BCAR3: variants seen among roughly 807,000 people sequenced by gnomAD.
BCAR3 encodes BCAR3 adaptor protein, NSP family member, also known as breast cancer anti-estrogen resistance protein 3.
BCAR3 carries 37 observed loss-of-function variants against 80.1 expected under a neutral mutation model. The ratio of observed to expected loss-of-function variants is 0.46; its 90% confidence interval spans 0.36 to 0.61. The LOEUF (loss-of-function observed/expected upper bound fraction) is 0.61, where lower values mean the gene tolerates loss of function less well. Among genes scored for constraint, BCAR3 ranks in the 20% least tolerant of loss-of-function variants. BCAR3 has a pLI of 0.00. For synonymous variants in BCAR3, 389 were observed against 418.9 expected (o/e 0.93, Z 0.87); for missense variants, 978 against 1,068.2 (o/e 0.92, Z 1.18).
At chr1:93,721,490 T>G (rs1456528132) in intron 2 of BCAR3, among the ~76,000 whole-genome samples, 1 of 152,126 alleles carries the variant, frequency 6.6e-6, no homozygotes. Context: ...GACTTTGTAT[T>G]GTTATTCTCC....
chr1:93,678,334 C>T (rs1385795311), intron 1 of BCAR3, among the ~76,000 whole-genome samples: 2 of 152,168 alleles, frequency 1.3e-5, no homozygotes, highest in Non-Finnish European at 2.9e-5. Context: ...ATTGATTCTT[C>T]AATGCATACA....
At chr1:93,690,432 G>A (rs1031036413) in intron 3 of BCAR3, among the ~76,000 whole-genome samples, 5 of 152,132 alleles carry the variant, frequency 3.3e-5, no homozygotes, top group East Asian at 3.8e-4. Context: ...TTATAAGGTG[G>A]CACTGTTCTT....
chr1:93,713,336 G>C (rs1045630461), intron 2 of BCAR3, among the ~76,000 whole-genome samples: 6 of 152,100 alleles, frequency 3.9e-5, no homozygotes, highest in African/African-American at 1.4e-4. Context: ...TCATGAATAT[G>C]GACCCAAGAC....
chr1:93,608,216 A>C lies in BCAR3; in HGVS notation c.358-15823T>G, dbSNP rs573392150. On this transcript the variant is annotated intron_variant, in intron 3 of 11. Transcript: ENST00000260502. ...CAGAAAAATAGGCCATAAGATTCTC[A>C]TGGCCAGAGCCAGATTTCAACAGTA... 2.6e-5 allele frequency among the ~76,000 whole-genome samples: 4 copies of C among 152,364 alleles called. No individual in the cohort carries two copies. The South Asian group carries it at 8.3e-4, about 32-fold the overall frequency.
At chr1:93,564,508 C>G (rs1672857315) in intron 11 of BCAR3, among the ~76,000 whole-genome samples, 1 of 151,958 alleles carries the variant, frequency 6.6e-6, no homozygotes, top group South Asian at 2.1e-4. Context: ...GAACTCCCGA[C>G]CTCAGGTGAT....
chr1:93,739,860 C>T (rs1651117740), intron 2 of BCAR3, among the ~76,000 whole-genome samples: 1 of 151,872 alleles, frequency 6.6e-6, no homozygotes, highest in South Asian at 2.1e-4. Context: ...CATGGTGAAA[C>T]CCCGTCTCTA....
chr1:93,830,321 C>T (rs1010649606), intron 2 of BCAR3, among the ~76,000 whole-genome samples: 3 of 152,028 alleles, frequency 2.0e-5, no homozygotes, highest in African/African-American at 2.4e-5. Context: ...ATTAGCTGGG[C>T]GTGGTGGCAC....
intron 9 of BCAR3, among the ~76,000 whole-genome samples, chr1:93,569,753 AAGGC>A (rs139453750): frequency 0.41 from 62,939 of 151,852 alleles, 15,403 homozygotes; most frequent in Middle Eastern, 0.54. Flanking sequence ...ACACTGTTAG[AAGGC>A]AGGGAGCCGC....
At chr1:93,655,780 CTTCAAATTA>C (rs942636233) in intron 2 of BCAR3, among the ~76,000 whole-genome samples, 1 of 152,156 alleles carries the variant, frequency 6.6e-6, no homozygotes, top group Non-Finnish European at 1.5e-5. Flanking sequence ...CTTTCACATC[CTTCAAATTA>C]TGGACACATA....
intron 2 of BCAR3, among the ~76,000 whole-genome samples, chr1:93,749,345 T>C (rs1162207934): frequency 2.0e-5 from 3 of 151,966 alleles, no homozygotes; most frequent in Non-Finnish European, 4.4e-5. Context: ...TCCCAGCACT[T>C]TGGGAGGCCG....
At position 93,592,345 on chromosome 1, in the gene BCAR3, T is replaced by C. The variant is rs1047131934; in HGVS notation, c.406A>G (p.Lys136Glu). The part of the protein sequence containing the change: ...IMDRTPEKLK[K>E]ELEEELLLSS... ...AGGAGCAGCTCCTCCTCCAGCTCCT[T>C]CTTCAGTTTCTCGGGGGTCCTGTCC... The change falls in exon 4 of 12, where the codon AAG (lysine) becomes GAG (glutamate). Residue 136 changes from lysine (K) to glutamate (E), a missense_variant. Physicochemically the swap from Lys to Glu is moderately conservative, Grantham distance 56. Transcript: ENST00000260502. The surrounding 1 kb of genome is among the most constrained non-coding windows in gnomAD (Gnocchi z 4.8). 6.2e-7 allele frequency: 1 copy of C among 1,608,310 alleles called. No homozygotes were observed. The highest frequency in any genetic ancestry group is 8.5e-7 in the Non-Finnish European group (1 of 1,179,728).
intron 2 of BCAR3, chr1:93,752,844 G>A (rs1237243967): frequency 6.6e-6 from 1 of 152,174 alleles, no homozygotes; most frequent in Non-Finnish European, 1.5e-5. Context: ...CAAGAAAACA[G>A]AAAAAGCAGT....
At chr1:93,587,431 T>C (rs1673990056) in intron 5 of BCAR3, among the ~76,000 whole-genome samples, 1 of 152,194 alleles carries the variant, frequency 6.6e-6, no homozygotes, top group Admixed American at 6.5e-5. Flanking sequence ...TATTAAATCA[T>C]GTACACCTCA....
intron 2 of BCAR3, among the ~76,000 whole-genome samples, chr1:93,785,548 A>G (rs1359619284): frequency 6.6e-6 from 1 of 152,240 alleles, no homozygotes; most frequent in Non-Finnish European, 1.5e-5. Flanking sequence ...TGTGAACCAT[A>G]TTTGGATGTA....
chr1:93,725,832 C>T (rs1650563970), intron 2 of BCAR3, among the ~76,000 whole-genome samples: 1 of 152,178 alleles, frequency 6.6e-6, no homozygotes, highest in South Asian at 2.1e-4. Flanking sequence ...ATTATCATTA[C>T]TTATTTACTA....
At chr1:93,606,212 A>C (rs1674767745) in intron 3 of BCAR3, among the ~76,000 whole-genome samples, 1 of 152,246 alleles carries the variant, frequency 6.6e-6, no homozygotes, top group South Asian at 2.1e-4. Flanking sequence ...AAGCATTTTA[A>C]AAAATGCAAA....
chr1:93,582,958 G>A lies in BCAR3; in HGVS notation c.1034-5C>T. ...ACTGAGGTGGCAGCTTGCAGCCTGT[G>A]GGGGATAAGAAAAGGTCAGAGAAAG... On this transcript the variant is annotated splice_region_variant and splice_polypyrimidine_tract_variant and intron_variant, in intron 6 of 11. Coordinates refer to ENST00000260502, the MANE Select transcript of BCAR3 (RefSeq NM_003567.4). 1 of 1,577,536 alleles carries A rather than the reference G, an allele frequency of 6.3e-7. No individual in the cohort carries two copies. Among genetic ancestry groups the A allele is most frequent in the Non-Finnish European group, 8.6e-7 (1 of 1,166,086 alleles).
chr1:93,818,191 T>C (rs1288261440), intron 2 of BCAR3, among the ~76,000 whole-genome samples: 1 of 152,270 alleles, frequency 6.6e-6, no homozygotes, highest in Non-Finnish European at 1.5e-5. Flanking sequence ...GACAGTTTTC[T>C]TAACACGTAC....
intron 2 of BCAR3, among the ~76,000 whole-genome samples, chr1:93,755,428 T>C (rs925921780): frequency 6.6e-6 from 1 of 152,218 alleles, no homozygotes; most frequent in African/African-American, 2.4e-5. Context: ...AAGTGCCCTA[T>C]ACAGGTGTAC....
Sources: gnomAD v4.1 joint callset for allele counts (sites outside exome capture counted in the v4.1 genomes callset) on GRCh38, gnomAD v4.1.1 for gene constraint, Gnocchi (gnomAD v3.1) non-coding constraint, MANE v1.5 for transcripts, NCBI Gene and HGNC (gene_info 2026-07-23, HGNC 2026-07-21) for gene names.